The following CPOX variants were observed in gnomAD, a reference collection of about 807,000 sequenced individuals.
The protein encoded by CPOX is coproporphyrinogen oxidase, also known as oxygen-dependent coproporphyrinogen-III oxidase, mitochondrial.
Under a neutral mutation model 48.9 loss-of-function variants are expected in CPOX, and 24 were observed. The ratio of observed to expected loss-of-function variants is 0.49; its 90% CI spans 0.36 to 0.69. The LOEUF (loss-of-function observed/expected upper bound fraction) is 0.69, where lower values mean the gene tolerates loss of function less well. CPOX is among the 30% of genes least tolerant of loss of function. CPOX has a pLI of 0.00. For missense variants in CPOX, 549 were observed against 597.3 expected, an observed-to-expected ratio of 0.92 and a Z score of 0.84; for synonymous variants, 249 against 234.6, an observed-to-expected ratio of 1.06 and a Z score of -0.56.
At chr3:98,590,904 G>C in intron 2 of CPOX, 108 bp downstream of exon 2, 1 of 1,389,594 alleles carries the variant, frequency 7.2e-7, no homozygotes, top group Non-Finnish European at 1.0e-6. Flanking sequence ...TGCGGCATAT[G>C]AACCCGAATG....
intron 2 of CPOX, 36 bp downstream of exon 2, chr3:98,590,976 G>A (rs763388089): frequency 1.2e-6 from 2 of 1,611,218 alleles, no homozygotes; most frequent in South Asian, 1.1e-5. Flanking sequence ...AAGGTTTGCA[G>A]GGACTATTAG....
At position 98,580,301 on chromosome 3, in the gene CPOX, C is replaced by T. The variant is rs934483830; in HGVS notation, c.*382G>A. ...ATTAATGAAAATAAAATATATTCCACGACAGATTTTTGTGGCACAAATGAA... is the reference window on the plus strand; with the variant it reads ...ATTAATGAAAATAAAATATATTCCATGACAGATTTTTGTGGCACAAATGAA... On this transcript the variant is annotated 3_prime_UTR_variant, in exon 7 of 7. Coordinates refer to ENST00000647941, the MANE Select transcript of CPOX (RefSeq NM_000097.7). The T allele has an allele frequency of 6.8e-5, 69 of 1,010,682 alleles. No homozygotes were observed. The highest frequency in any genetic ancestry group is 1.6e-4 in the African/African-American group (9 of 57,540). 62.6% of individuals were successfully genotyped at this position (1,010,682 alleles called of 1,614,324 possible). A position where few individuals can be genotyped will look rare whatever the true frequency, so the allele number is the denominator to read the frequency against.
chr3:98,585,659 C>T lies in CPOX; in HGVS notation c.954G>A (p.Trp318Ter). Residue 318 changes from tryptophan (W) to a stop codon, truncating the protein, a stop_gained and splice_region_variant, in exon 5 of 7, where the codon TGG (tryptophan) becomes TGA (stop). Coordinates refer to ENST00000647941, the MANE Select transcript of CPOX (RefSeq NM_000097.7). LOFTEE classifies it high-confidence loss of function. ...GGGCTATAAAGAAGTAATCATCACACCTGGAAAACACAGCGGCGCCAAACC... is the reference window on the plus strand; with the variant it reads ...GGGCTATAAAGAAGTAATCATCACATCTGGAAAACACAGCGGCGCCAAACC... ...GPDLYPKFKK[W>*]CDDYFFIAHR... The T allele has an allele frequency of 6.2e-7, 1 of 1,612,536 alleles. No homozygotes were observed. The highest frequency in any genetic ancestry group is 8.5e-7 in the Non-Finnish European group (1 of 1,178,658).
chr3:98,581,605 C>G, intron 5 of CPOX, 94 bp from the exon 6 acceptor site: 1 of 968,504 alleles, frequency 1.0e-6, no homozygotes, highest in South Asian at 1.3e-5. Context: ...GGGTTCTTCC[C>G]CCCAGTTCCC....
intron 6 of CPOX, 115 bp from the exon 7 acceptor site, chr3:98,580,885 C>A (rs1457409914): frequency 6.6e-6 from 8 of 1,218,036 alleles, no homozygotes; most frequent in Non-Finnish European, 9.1e-6. Flanking sequence ...AAGCCTTATA[C>A]TTCTTTGTCT....
the CPOX span, among the ~76,000 whole-genome samples, chr3:98,574,124 G>A: frequency 2.7e-3 from 405 of 152,294 alleles, 1 homozygote; most frequent in African/African-American, 9.2e-3. Context: ...TCTAAATACT[G>A]GTACAGGTAG....
chr3:98,587,757 C>T (rs1025675661), intron 4 of CPOX, among the ~76,000 whole-genome samples: 1 of 151,862 alleles, frequency 6.6e-6, no homozygotes, highest in African/African-American at 2.4e-5. Context: ...AGCATTTATA[C>T]TAAAAACTTC....
At chr3:98,580,888 C>A in intron 6 of CPOX, 118 bp from the exon 7 acceptor site, 3 of 1,232,228 alleles carry the variant, frequency 2.4e-6, no homozygotes, top group Non-Finnish European at 3.4e-6. Context: ...CCTTATACTT[C>A]TTTGTCTCTA....
chr3:98,581,619 A>T, intron 5 of CPOX, 108 bp from the exon 6 acceptor site: 1 of 840,478 alleles, frequency 1.2e-6, no homozygotes. Flanking sequence ...AGTTCCCATC[A>T]GCTGGAACTG....
chr3:98,592,175 C>T (rs1357471961), intron 1 of CPOX, among the ~76,000 whole-genome samples: 1 of 152,068 alleles, frequency 6.6e-6, no homozygotes, highest in African/African-American at 2.4e-5. Context: ...CTAGACTGAA[C>T]TTCATTTAAT....
chr3:98,575,792 G>A (rs1184427241), downstream of CPOX, among the ~76,000 whole-genome samples: 1 of 151,726 alleles, frequency 6.6e-6, no homozygotes, highest in African/African-American at 2.4e-5. Flanking sequence ...AATTAGCCGG[G>A]TGTGCTGGCT....
At chr3:98,582,738 G>A (rs1221171537) in intron 5 of CPOX, among the ~76,000 whole-genome samples, 6 of 151,940 alleles carry the variant, frequency 3.9e-5, no homozygotes, top group South Asian at 2.1e-4. Flanking sequence ...TGATCTGCCC[G>A]CCTCGGCCTC....
At chr3:98,581,315 G>A in intron 6 of CPOX, 92 bp downstream of exon 6, 1 of 923,822 alleles carries the variant, frequency 1.1e-6, no homozygotes, top group Non-Finnish European at 1.8e-6. Context: ...CAAAGACCTA[G>A]GCACAACATC....
At position 98,580,418 on chromosome 3, in the gene CPOX, C is replaced by T; in HGVS notation, c.*265G>A. 1 of 1,269,110 alleles carries T rather than the reference C, an allele frequency of 7.9e-7. No individual in the cohort carries two copies. The highest frequency in any genetic ancestry group is 1.8e-5 in the South Asian group (1 of 56,266). The allele number at this position is 1,269,110 out of a possible 1,614,324, so 78.6% of individuals were successfully genotyped here. On this transcript the variant is annotated 3_prime_UTR_variant, in exon 7 of 7. Transcript: ENST00000647941. Reference sequence around the variant, plus strand: ...ATTCCCTTATCTCAATACTTGGAAACTCAATGTCCTATTTTGTAAACTAGT... The same window carrying T: ...ATTCCCTTATCTCAATACTTGGAAATTCAATGTCCTATTTTGTAAACTAGT...
chr3:98,572,364 C>A, the CPOX span, among the ~76,000 whole-genome samples: 1 of 152,014 alleles, frequency 6.6e-6, no homozygotes, highest in African/African-American at 2.4e-5. Context: ...TTGTACTTGC[C>A]TGGTATAGCT....
chr3:98,582,218 A>G (rs559137993), intron 5 of CPOX, among the ~76,000 whole-genome samples: 2 of 152,220 alleles, frequency 1.3e-5, no homozygotes, highest in South Asian at 4.2e-4. Context: ...GACTCCTTCC[A>G]GTTTAAAACC....
Position 98,592,804 on chromosome 3 carries a change from C to CT in CPOX, c.556+144_556+145insA. On this transcript the variant is annotated intron_variant, in intron 1 of 6. Coordinates refer to ENST00000647941, the MANE Select transcript of CPOX (RefSeq NM_000097.7). The stretch of plus-strand genomic sequence containing the variant: ...GACCCTTTCGTGTCCATCTTTTTAT[C>CT]AGCGGCCTCTAACCAAGCGGCCTCT... 1.3e-5 allele frequency: 11 copies of CT among 836,268 alleles called. No individual in the cohort carries two copies. The South Asian group carries it at 1.7e-4, about 13-fold the overall frequency. 51.8% of individuals were successfully genotyped at this position (836,268 alleles called of 1,614,324 possible).
In CPOX at chr3:98,580,849, T is replaced by A. The variant is rs1707245642; in HGVS notation, c.1278-79A>T. On this transcript the variant is annotated intron_variant, in intron 6 of 6. Transcript: ENST00000647941. Reference sequence around the variant, plus strand: ...CTCTTTACTTAAAATAAATGAAAAATAAAATCCTAAGAATAAAAAAAAAAA... The same window carrying A: ...CTCTTTACTTAAAATAAATGAAAAAAAAAATCCTAAGAATAAAAAAAAAAA... The A allele has an allele frequency of 6.2e-6, 9 of 1,451,570 alleles. No individual in the cohort carries two copies. 89.9% of individuals were successfully genotyped at this position (1,451,570 alleles called of 1,614,324 possible).
Position 98,593,594 on chromosome 3 carries a change from A to T in CPOX, c.-90T>A. 7.4e-7 allele frequency: 1 copy of T among 1,344,814 alleles called. No homozygotes were observed. Among genetic ancestry groups the T allele is most frequent in the Non-Finnish European group, 1.0e-6 (1 of 1,002,970 alleles). 83.3% of individuals were successfully genotyped at this position (1,344,814 alleles called of 1,614,324 possible). ...AGACCCCCGGAGTATTGAGCCGGCG[A>T]GCTGCACAGGCGGAAAGAACCTTTC... is the stretch of plus-strand genomic sequence containing the variant. On this transcript the variant is annotated 5_prime_UTR_variant, in exon 1 of 7. Transcript: ENST00000647941.
Sources: allele counts gnomAD v4.1 joint callset (sites outside exome capture counted in the v4.1 genomes callset), GRCh38; gene constraint gnomAD v4.1.1; transcripts MANE v1.5; gene names NCBI Gene and HGNC (gene_info 2026-07-23, HGNC 2026-07-21).